Variants in LHFPL3 observed in about 807,000 individuals in gnomAD.
LHFPL3 encodes LHFPL tetraspan subfamily member 3 protein.
In LHFPL3, 5 loss-of-function variants were observed where a neutral mutation model predicts 19.3. The observed-to-expected ratio is 0.26, with a 90% CI of 0.14 to 0.54. The LOEUF is 0.54. Ranked by LOEUF, LHFPL3 falls within the 20% of genes least tolerant of loss-of-function variation. LHFPL3 has a pLI of 0.94. For missense variants in LHFPL3, 249 were observed against 307.4 expected (o/e 0.81, Z 1.42); for synonymous variants, 133 against 126.2 (o/e 1.05, Z -0.36).
intron 1 of LHFPL3, among the ~76,000 whole-genome samples, chr7:104,629,322 T>C (rs931126615): frequency 3.9e-5 from 6 of 152,270 alleles, no homozygotes; most frequent in Non-Finnish European, 7.4e-5. Context: ...CATCTATGCA[T>C]ACCTTCTGGA....
At chr7:104,729,599 C>T (rs1394296629) in intron 1 of LHFPL3, among the ~76,000 whole-genome samples, 3 of 152,186 alleles carry the variant, frequency 2.0e-5, no homozygotes, top group African/African-American at 4.8e-5. Flanking sequence ...TTAAAGTCTA[C>T]GTATAAGTGA....
intron 1 of LHFPL3, among the ~76,000 whole-genome samples, chr7:104,520,731 G>A (rs1794039897): frequency 7.3e-6 from 1 of 136,096 alleles, no homozygotes; most frequent in Non-Finnish European, 1.6e-5. Flanking sequence ...TAGTTTATTT[G>A]CGTAGAGGTG....
intron 1 of LHFPL3, among the ~76,000 whole-genome samples, chr7:104,731,823 C>T (rs1357462662): frequency 6.6e-6 from 1 of 151,818 alleles, no homozygotes; most frequent in East Asian, 1.9e-4. Flanking sequence ...GGAATGCTTC[C>T]AGTTTTTGCC....
At position 104,571,914 on chromosome 7, in the gene LHFPL3, C is replaced by G. The variant is rs568814149; in HGVS notation, c.446-164761C>G. Among the ~76,000 whole-genome samples, 9 of 152,262 alleles carry G rather than the reference C, an allele frequency of 5.9e-5. No individual in the cohort carries two copies. In the East Asian group the frequency reaches 1.5e-3, roughly 26 times the overall value. ...TTTCTAAACTTTATGTAAACACACA[C>G]ACACTTTTTCTTATTTTTAAGTATG... On this transcript the variant is annotated intron_variant, in intron 1 of 2. Transcript: ENST00000424859.
rs975541380 is a variant in LHFPL3 at position 104,518,029 on chromosome 7, C to A, written c.445+188805C>A. 1.7e-4 allele frequency among the ~76,000 whole-genome samples: 26 copies of A among 152,020 alleles called. 1 individual carries two copies. Among genetic ancestry groups the A allele is most frequent in the East Asian group, 1.2e-3 (6 of 5,174 alleles). On this transcript the variant is annotated intron_variant, in intron 1 of 2. Coordinates refer to ENST00000424859, the MANE Select transcript of LHFPL3 (RefSeq NM_199000.3). ...TTAAAGTATAATAATTCAAAAAAAA[C>A]CAAAAGTCAAATTGATGCTGATCCC...
intron 1 of LHFPL3, among the ~76,000 whole-genome samples, chr7:104,338,840 A>C (rs2116361464): frequency 6.6e-6 from 1 of 152,364 alleles, no homozygotes; most frequent in Non-Finnish European, 1.5e-5. Context: ...ATAGCTTAAA[A>C]ACCATTTAAC....
rs374518987 is a variant in LHFPL3 at position 104,880,264 on chromosome 7, G to T, written c.683-25923G>T. 1.9e-4 allele frequency among the ~76,000 whole-genome samples: 29 copies of T among 152,084 alleles called. 1 individual carries two copies. The East Asian group carries it at 3.5e-3, about 18-fold the overall frequency. On this transcript the variant is annotated intron_variant, in intron 2 of 2. Transcript: ENST00000424859. ...ATGAGATCTGGTTGTTTAAAAGAGT[G>T]TGGCACTTCCCCCCTCCCTCTCTCA...
intron 1 of LHFPL3, among the ~76,000 whole-genome samples, chr7:104,570,754 G>A (rs1489639518): frequency 6.6e-6 from 1 of 151,970 alleles, no homozygotes; most frequent in African/African-American, 2.4e-5. Flanking sequence ...TCATATCACG[G>A]GGGTTTGTTG....
At chr7:104,791,013 C>G (rs926283085) in intron 2 of LHFPL3, among the ~76,000 whole-genome samples, 3 of 152,150 alleles carry the variant, frequency 2.0e-5, no homozygotes, top group African/African-American at 7.2e-5. Flanking sequence ...GGGAGATCTT[C>G]CACAAACTTT....
chr7:104,463,626 C>G (rs532410191), intron 1 of LHFPL3, among the ~76,000 whole-genome samples: 1 of 152,300 alleles, frequency 6.6e-6, no homozygotes, highest in East Asian at 1.9e-4. Context: ...CAAACACATC[C>G]TTCTTCACAT....
intron 1 of LHFPL3, among the ~76,000 whole-genome samples, chr7:104,499,947 A>ATTTTTG (rs1284142791): frequency 6.6e-6 from 1 of 152,238 alleles, no homozygotes. Flanking sequence ...ATGTTTTACA[A>ATTTTTG]TTTTTGTTTT....
At chr7:104,464,035 G>C (rs757659925) in intron 1 of LHFPL3, among the ~76,000 whole-genome samples, 15 of 152,168 alleles carry the variant, frequency 9.9e-5, no homozygotes, top group Non-Finnish European at 1.5e-4. Flanking sequence ...AAACAAGTTA[G>C]TTACTTCCTA....
chr7:104,508,526 G>C (rs1221247328), intron 1 of LHFPL3, among the ~76,000 whole-genome samples: 1 of 150,852 alleles, frequency 6.6e-6, no homozygotes, highest in African/African-American at 2.4e-5. Flanking sequence ...GAGTTAGTGG[G>C]TGCAGCACAC....
chr7:104,416,455 C>A (rs999426605), intron 1 of LHFPL3, among the ~76,000 whole-genome samples: 1 of 152,230 alleles, frequency 6.6e-6, no homozygotes, highest in Non-Finnish European at 1.5e-5. Flanking sequence ...GCTGCCTCCA[C>A]TCCCATGGAG....
intron 1 of LHFPL3, among the ~76,000 whole-genome samples, chr7:104,704,600 C>T (rs1325849774): frequency 6.6e-6 from 1 of 151,166 alleles, no homozygotes; most frequent in Non-Finnish European, 1.5e-5. Context: ...CTTTCTTGCC[C>T]TAGCAGGCAG....
chr7:104,730,914 AT>A (rs1793691377), intron 1 of LHFPL3, among the ~76,000 whole-genome samples: 1 of 152,146 alleles, frequency 6.6e-6, no homozygotes, highest in Non-Finnish European at 1.5e-5. Flanking sequence ...TCTTGAATTA[AT>A]TTTTGTATAA....
At chr7:104,463,135 T>C (rs1431221762) in intron 1 of LHFPL3, among the ~76,000 whole-genome samples, 5 of 152,338 alleles carry the variant, frequency 3.3e-5, no homozygotes, top group East Asian at 3.9e-4. Context: ...TCCTTTCTTC[T>C]TTATTAGTCT....
chr7:104,745,148 C>T (rs1406831573), intron 2 of LHFPL3, among the ~76,000 whole-genome samples: 1 of 152,244 alleles, frequency 6.6e-6, no homozygotes, highest in African/African-American at 2.4e-5. Flanking sequence ...TTGGCTGACA[C>T]TTCCCAACTC....
Position 104,462,419 on chromosome 7 carries a change from A to T in LHFPL3, c.445+133195A>T, listed in dbSNP as rs566968865. On this transcript the variant is annotated intron_variant, in intron 1 of 2. Transcript: ENST00000424859. ...ATGTTCCTTCAATATGTAGTTTATT[A>T]AGAGTTTTTAACATGAAGATGTGTT... Among the ~76,000 whole-genome samples the T allele has an allele frequency of 3.9e-5, 6 of 152,244 alleles. No homozygotes were observed. In the South Asian group the frequency reaches 1.2e-3, roughly 32 times the overall value.
Sources: gnomAD v4.1 joint callset for allele counts (sites outside exome capture counted in the v4.1 genomes callset) on GRCh38, gnomAD v4.1.1 for gene constraint, MANE v1.5 for transcripts, NCBI Gene and HGNC (gene_info 2026-07-23, HGNC 2026-07-21) for gene names.